MAGI2: variants seen among roughly 807,000 people sequenced by gnomAD.
The protein encoded by MAGI2 is membrane-associated guanylate kinase, WW and PDZ domain-containing protein 2.
A neutral mutation model predicts 133.3 loss-of-function variants in MAGI2; 35 were observed. That is an observed-to-expected ratio of 0.26 (90% confidence interval 0.20 to 0.35). MAGI2 has a LOEUF of 0.35. Among genes scored for constraint, MAGI2 ranks in the 10% least tolerant of loss-of-function variants. The pLI, the probability that MAGI2 is intolerant of heterozygous loss-of-function variation, is 1.00. For synonymous variants in MAGI2, 729 were observed against 710.6 expected (o/e 1.03, Z -0.41); for missense variants, 1,636 against 1,863.4 (o/e 0.88, Z 2.25).
At chr7:78,224,894 A>G (rs941452846) in intron 10 of MAGI2, among the ~76,000 whole-genome samples, 2 of 152,018 alleles carry the variant, frequency 1.3e-5, no homozygotes, top group East Asian at 3.9e-4. Flanking sequence ...GATGCTGGGC[A>G]TTCCTCCATG....
intron 2 of MAGI2, among the ~76,000 whole-genome samples, chr7:78,753,358 A>C (rs773401989): frequency 6.6e-6 from 1 of 152,160 alleles, no homozygotes; most frequent in Non-Finnish European, 1.5e-5. Flanking sequence ...TTTGTAGCAG[A>C]TAATAGACCA....
intron 4 of MAGI2, among the ~76,000 whole-genome samples, chr7:78,509,674 C>A (rs1380643687): frequency 6.6e-6 from 1 of 152,194 alleles, no homozygotes; most frequent in Non-Finnish European, 1.5e-5. Flanking sequence ...TTCTCAGGTA[C>A]AAGACCAATG....
intron 3 of MAGI2, chr7:78,614,287 G>GAAAAA (rs200261510): frequency 1.3e-5 from 1 of 74,392 alleles, no homozygotes; most frequent in South Asian, 4.8e-4. Flanking sequence ...AAAAGTGAAA[G>GAAAAA]AAAAAAAAAA....
chr7:78,056,200 C>T (rs975433098), intron 21 of MAGI2, among the ~76,000 whole-genome samples: 1 of 152,194 alleles, frequency 6.6e-6, no homozygotes, highest in African/African-American at 2.4e-5. Flanking sequence ...GCTTATTTCA[C>T]TTCCCATAAT....
chr7:79,367,276 A>G (rs552161609), intron 1 of MAGI2, among the ~76,000 whole-genome samples: 1 of 152,356 alleles, frequency 6.6e-6, no homozygotes, highest in African/African-American at 2.4e-5. Flanking sequence ...GGTACATGAC[A>G]TTTGACATTG....
Position 78,837,760 on chromosome 7 carries a change from G to A in MAGI2, c.418+169330C>T, listed in dbSNP as rs371542990. On this transcript the variant is annotated intron_variant, in intron 2 of 21. Coordinates refer to ENST00000354212, the MANE Select transcript of MAGI2 (RefSeq NM_012301.4). ...TTCCAACTACAGTTTTAATGGAACT[G>A]AATTTTATGATTTTAGGAATGCTTA... Among the ~76,000 whole-genome samples, 89 of 152,210 alleles carry A rather than the reference G, an allele frequency of 5.8e-4. 2 individuals are homozygous for A. The South Asian group carries it at 0.017, about 29-fold the overall frequency.
At chr7:78,948,306 T>C (rs926359298) in intron 2 of MAGI2, among the ~76,000 whole-genome samples, 1 of 152,148 alleles carries the variant, frequency 6.6e-6, no homozygotes, top group Non-Finnish European at 1.5e-5. Flanking sequence ...TTCTACTTTT[T>C]TTTTTCTTTT....
chr7:78,738,062 G>T (rs950379102), intron 2 of MAGI2, among the ~76,000 whole-genome samples: 28 of 50,542 alleles, frequency 5.5e-4, no homozygotes, highest in African/African-American at 2.4e-3. Flanking sequence ...ACAGAAAAAA[G>T]CTTTGGTACC....
chr7:78,652,048 T>C (rs1352089153), intron 2 of MAGI2, among the ~76,000 whole-genome samples: 1 of 152,158 alleles, frequency 6.6e-6, no homozygotes, highest in Admixed American at 6.5e-5. Flanking sequence ...AGAAAACCTA[T>C]GTTTTATTTC....
chr7:78,743,656 C>A (rs1822640798), intron 2 of MAGI2, among the ~76,000 whole-genome samples: 1 of 152,130 alleles, frequency 6.6e-6, no homozygotes, highest in African/African-American at 2.4e-5. Context: ...AAGCATAAAT[C>A]CATATTTGTT....
chr7:78,067,112 T>G lies in MAGI2; in HGVS notation c.3706+11835A>C, dbSNP rs149442281. ...CTCTGGAGGGTAAGGAAGCACATGC[T>G]TAACAATAAATGTCAGAAGTAGAAA... On this transcript the variant is annotated intron_variant, in intron 21 of 21. Coordinates refer to ENST00000354212, the MANE Select transcript of MAGI2 (RefSeq NM_012301.4). Among the ~76,000 whole-genome samples the G allele has an allele frequency of 6.0e-3, 907 of 152,340 alleles. 2 individuals are homozygous for G. The highest frequency in any genetic ancestry group is 0.02 in the African/African-American group (852 of 41,580).
At chr7:79,429,431 T>C (rs1042977901) in intron 1 of MAGI2, among the ~76,000 whole-genome samples, 5 of 152,082 alleles carry the variant, frequency 3.3e-5, no homozygotes, top group Non-Finnish European at 5.9e-5. Flanking sequence ...GCCTCCCAAG[T>C]AGCTGGGATT....
At chr7:78,651,783 G>A (rs1188686252) in intron 2 of MAGI2, among the ~76,000 whole-genome samples, 6 of 152,048 alleles carry the variant, frequency 3.9e-5, no homozygotes, top group Non-Finnish European at 8.8e-5. Flanking sequence ...TTTTGAGTAT[G>A]AGGGTCCTTT....
chr7:79,267,264 T>C (rs1834539389), intron 1 of MAGI2, among the ~76,000 whole-genome samples: 1 of 152,150 alleles, frequency 6.6e-6, no homozygotes, highest in African/African-American at 2.4e-5. Flanking sequence ...TCTGCATCAG[T>C]GTCTGACTTT....
At chr7:78,559,238 G>GT (rs375030951) in intron 3 of MAGI2, among the ~76,000 whole-genome samples, 3,383 of 128,318 alleles carry the variant, frequency 0.026, 39 homozygotes, top group African/African-American at 0.043. Flanking sequence ...TTCCTTTCAG[G>GT]TTTTTTTTTT....
Position 79,288,039 on chromosome 7 carries a change from T to C in MAGI2, c.301+164981A>G, listed in dbSNP as rs1585436628. Among the ~76,000 whole-genome samples the C allele has an allele frequency of 3.9e-5, 6 of 152,176 alleles. 1 individual carries two copies. The South Asian group carries it at 1.2e-3, about 31-fold the overall frequency. On this transcript the variant is annotated intron_variant, in intron 1 of 21. Transcript: ENST00000354212. ...TGAACATTTTAGGGTCTATCTCACCTATATTTATCAACGCATATATATGTG... is the reference window on the plus strand; with the variant it reads ...TGAACATTTTAGGGTCTATCTCACCCATATTTATCAACGCATATATATGTG...
At chr7:79,383,051 C>T (rs62458985) in intron 1 of MAGI2, among the ~76,000 whole-genome samples, 14,652 of 151,432 alleles carry the variant, frequency 0.097, 993 homozygotes, top group Middle Eastern at 0.17. Context: ...AAGAAGATAC[C>T]GAAAACATTT....
Position 78,019,222 on chromosome 7 carries a change from G to A in MAGI2, c.*93C>T. On this transcript the variant is annotated 3_prime_UTR_variant, in exon 22 of 22. Coordinates refer to ENST00000354212, the MANE Select transcript of MAGI2 (RefSeq NM_012301.4). ...GCCTTGGTGCCTCGTGGATCTATGC[G>A]TGTGACAGTGAAAATAAATTAAAAC... 2 of 1,408,528 alleles carry A rather than the reference G, an allele frequency of 1.4e-6. No homozygotes were observed. Among genetic ancestry groups the A allele is most frequent in the Non-Finnish European group, 1.9e-6 (2 of 1,040,296 alleles). 87.3% of individuals were successfully genotyped at this position (1,408,528 alleles called of 1,614,324 possible).
chr7:78,519,663 A>G (rs9691998), intron 4 of MAGI2, among the ~76,000 whole-genome samples: 29,512 of 152,144 alleles, frequency 0.19, 2,909 homozygotes, highest in Middle Eastern at 0.26. Context: ...GGCTTTCTAG[A>G]TTCAGTAAGC....
Sources: allele counts gnomAD v4.1 joint callset (sites outside exome capture counted in the v4.1 genomes callset), GRCh38; gene constraint gnomAD v4.1.1; transcripts MANE v1.5; gene names NCBI Gene and HGNC (gene_info 2026-07-23, HGNC 2026-07-21).